Variants in CUBN observed in about 807,000 individuals in gnomAD.
CUBN encodes 460 kDa receptor.
CUBN carries 282 observed loss-of-function variants against 405.3 expected under a neutral mutation model. The observed-to-expected ratio is 0.70, with a 90% CI of 0.63 to 0.77. The LOEUF (loss-of-function observed/expected upper bound fraction) is 0.77. Ranked by LOEUF, CUBN falls within the 30% of genes least tolerant of loss-of-function variation. CUBN has a pLI of 0.00. For synonymous variants in CUBN, 1,684 were observed against 1,617.0 expected, an observed-to-expected ratio of 1.04 and a Z score of -0.99; for missense variants, 4,514 against 4,475.2, an observed-to-expected ratio of 1.01 and a Z score of -0.25.
At chr10:17,082,279 G>A (rs1018888526) in intron 17 of CUBN, among the ~76,000 whole-genome samples, 7 of 152,210 alleles carry the variant, frequency 4.6e-5, no homozygotes, top group African/African-American at 1.4e-4. Context: ...AAGGTTATAC[G>A]GTCATCTGAC....
chr10:16,849,318 G>A (rs7094016), intron 60 of CUBN, among the ~76,000 whole-genome samples: 26,363 of 151,796 alleles, frequency 0.17, 4,832 homozygotes, highest in African/African-American at 0.47. Context: ...GCCTTCTCCA[G>A]TTGCCTCCCT....
chr10:17,032,501 C>G (rs1834806907), intron 27 of CUBN, among the ~76,000 whole-genome samples: 1 of 152,142 alleles, frequency 6.6e-6, no homozygotes. Context: ...AATCCCTGTT[C>G]TCCTGTGAGC....
chr10:16,836,741 T>C (rs1388717579), intron 62 of CUBN, among the ~76,000 whole-genome samples: 1 of 152,214 alleles, frequency 6.6e-6, no homozygotes, highest in Non-Finnish European at 1.5e-5. Context: ...CTTTTGCCAT[T>C]GTCCTGAGCT....
In CUBN at chr10:17,047,616, A is replaced by G; in HGVS notation, c.3140-13T>C. ...TCTTGCAAACATGCTGTGAACAGAA[A>G]CAGACCATAAGAGAGAAAATAGAAA... is the stretch of plus-strand genomic sequence containing the variant. On this transcript the variant is annotated splice_polypyrimidine_tract_variant and intron_variant, in intron 22 of 66. Transcript: ENST00000377833. 1 of 1,610,424 alleles carries G rather than the reference A, an allele frequency of 6.2e-7. No individual in the cohort carries two copies. The highest frequency in any genetic ancestry group is 8.5e-7 in the Non-Finnish European group (1 of 1,176,620).
chr10:16,985,275 C>T (rs2131703398), intron 29 of CUBN, among the ~76,000 whole-genome samples: 1 of 152,320 alleles, frequency 6.6e-6, no homozygotes, highest in Admixed American at 6.5e-5. Flanking sequence ...AGGAGAAGAA[C>T]AACGTGGCAG....
At position 16,900,735 on chromosome 10, in the gene CUBN, G is replaced by A; in HGVS notation, c.8300C>T (p.Ser2767Leu). The A allele has an allele frequency of 6.2e-7, 1 of 1,614,158 alleles. No homozygotes were observed. Among genetic ancestry groups the A allele is most frequent in the Non-Finnish European group, 8.5e-7 (1 of 1,180,016 alleles). ...SPIIGQYCGN[S>L]NPRTIQSGSN... ...ACCTGACTGTATTGTCCTGGGGTTT[G>A]AATTTCCACAGTATTGTCCTATGAT... The change falls in exon 53 of 67, where the codon TCA (serine) becomes TTA (leucine). Residue 2767 changes from serine (S) to leucine (L), a missense_variant. By Grantham distance (145) the Ser-to-Leu change is moderately radical. Transcript: ENST00000377833.
intron 60 of CUBN, among the ~76,000 whole-genome samples, chr10:16,848,039 G>A (rs1839570809): frequency 6.6e-6 from 1 of 152,138 alleles, no homozygotes; most frequent in African/African-American, 2.4e-5. Context: ...GAAGGAAATT[G>A]CTTTTCCAAG....
intron 6 of CUBN, among the ~76,000 whole-genome samples, chr10:17,119,286 C>G (rs1836977011): frequency 6.6e-6 from 1 of 152,196 alleles, no homozygotes; most frequent in Non-Finnish European, 1.5e-5. Flanking sequence ...GGAAAGCCTT[C>G]TAGATCTGAG....
chr10:16,828,684 T>C, intron 66 of CUBN, 121 bp downstream of exon 66: 1 of 793,038 alleles, frequency 1.3e-6, no homozygotes, highest in East Asian at 2.7e-5. Flanking sequence ...CGCGCACCAC[T>C]GCACTCCAGC....
Position 17,129,678 on chromosome 10 carries a change from G to A in CUBN, c.88C>T (p.Leu30=). ...TTGATGCTTCTTTTTTGTCTCTGCA[G>A]CTCAAGTTCTCCAGCTTCGCCATTT... ...EVNGEAGELE[L]QRQKRSINLQ... The change falls in exon 1 of 67, where the codon CTG becomes TTG. Residue 30 remains leucine, a synonymous_variant. Transcript: ENST00000377833. The A allele has an allele frequency of 1.2e-6, 2 of 1,614,074 alleles. No homozygotes were observed. Among genetic ancestry groups the A allele is most frequent in the Non-Finnish European group, 1.7e-6 (2 of 1,179,992 alleles).
chr10:16,851,506 AG>A (rs1839684759), intron 59 of CUBN, 63 bp from the exon 60 acceptor site: 1 of 1,437,372 alleles, frequency 7.0e-7, no homozygotes, highest in Non-Finnish European at 9.8e-7. Context: ...TTGTACATGG[AG>A]GGTTTTTAAA....
intron 59 of CUBN, among the ~76,000 whole-genome samples, chr10:16,865,807 T>C (rs924445691): frequency 6.6e-6 from 1 of 152,098 alleles, no homozygotes; most frequent in Non-Finnish European, 1.5e-5. Context: ...CCTTCCACGC[T>C]GCGGAAGTTT....
At chr10:16,977,080 C>T (rs1833121651) in intron 31 of CUBN, among the ~76,000 whole-genome samples, 1 of 152,144 alleles carries the variant, frequency 6.6e-6, no homozygotes, top group Non-Finnish European at 1.5e-5. Flanking sequence ...GTCTCTTACT[C>T]ATATTACATC....
chr10:17,124,767 G>C (rs1465690037), intron 4 of CUBN, among the ~76,000 whole-genome samples: 2 of 148,840 alleles, frequency 1.3e-5, no homozygotes, highest in Non-Finnish European at 3.0e-5. Context: ...ATTATGCAAT[G>C]ATGGCCACTT....
At chr10:16,982,826 G>C (rs925969178) in intron 30 of CUBN, among the ~76,000 whole-genome samples, 173 bp from the exon 31 acceptor site, 1 of 152,140 alleles carries the variant, frequency 6.6e-6, no homozygotes, top group Admixed American at 6.5e-5. Context: ...AGAATAAGAA[G>C]GGATGACATG....
chr10:16,937,105 T>C (rs1158715931), intron 39 of CUBN, among the ~76,000 whole-genome samples: 1 of 152,190 alleles, frequency 6.6e-6, no homozygotes, highest in Non-Finnish European at 1.5e-5. Context: ...TGTAAAAAAG[T>C]AAAATAAAAG....
chr10:17,028,060 A>G (rs1834708999), intron 27 of CUBN, among the ~76,000 whole-genome samples: 2 of 152,160 alleles, frequency 1.3e-5, no homozygotes, highest in South Asian at 4.1e-4. Context: ...ATGTAAACAT[A>G]TGTTTCGATA....
intron 31 of CUBN, among the ~76,000 whole-genome samples, chr10:16,977,236 A>G (rs1833125854): frequency 6.6e-6 from 1 of 152,196 alleles, no homozygotes; most frequent in Non-Finnish European, 1.5e-5. Context: ...CCATGGCCCT[A>G]AATGGGAACA....
At chr10:16,860,120 G>C (rs1486531036) in intron 59 of CUBN, among the ~76,000 whole-genome samples, 1 of 151,970 alleles carries the variant, frequency 6.6e-6, no homozygotes, top group Non-Finnish European at 1.5e-5. Flanking sequence ...AGAAAAGATA[G>C]TTAAAGGAAA....
Sources: gnomAD v4.1 joint callset for allele counts (sites outside exome capture counted in the v4.1 genomes callset) on GRCh38, gnomAD v4.1.1 for gene constraint, MANE v1.5 for transcripts, NCBI Gene and HGNC (gene_info 2026-07-23, HGNC 2026-07-21) for gene names.